The following RCL1 variants were observed in gnomAD, a reference collection of about 807,000 sequenced individuals.
RCL1 encodes the protein RNA terminal phosphate cyclase like 1, also known as RNA 3'-terminal phosphate cyclase-like protein.
A neutral mutation model predicts 42.4 loss-of-function variants in RCL1; 24 were observed. The ratio of observed to expected loss-of-function variants is 0.57; its 90% CI spans 0.41 to 0.80. The LOEUF (loss-of-function observed/expected upper bound fraction) is 0.80, where lower values mean the gene tolerates loss of function less well. Among genes scored for constraint, RCL1 ranks in the 30% least tolerant of loss-of-function variants. The pLI is 0.00. For missense variants in RCL1, 578 were observed against 467.9 expected (o/e 1.24, Z -2.17); for synonymous variants, 228 against 177.3 (o/e 1.29, Z -2.27).
chr9:4,858,017 C>G (rs2129754869), intron 8 of RCL1, among the ~76,000 whole-genome samples: 1 of 137,788 alleles, frequency 7.3e-6, no homozygotes, highest in East Asian at 2.4e-4. Context: ...GTAGCTAGGA[C>G]TACAGGCTCC....
chr9:4,830,074 G>A (rs1300707234), intron 3 of RCL1, among the ~76,000 whole-genome samples: 1 of 152,228 alleles, frequency 6.6e-6, no homozygotes, highest in African/African-American at 2.4e-5. Context: ...GAAGTATTTG[G>A]AGAAGCCAAG....
Position 4,849,443 on chromosome 9 carries a change from A to G in RCL1, c.868-4A>G, listed in dbSNP as rs747487692. On this transcript the variant is annotated splice_polypyrimidine_tract_variant and splice_region_variant and intron_variant, in intron 7 of 8. Coordinates refer to ENST00000381750, the MANE Select transcript of RCL1 (RefSeq NM_005772.5). Reference sequence around the variant, plus strand: ...TTTGTACAATTATTAATTTGTGTTTACAGGGTGGATGCGTAGACTCGACCA... The same window carrying G: ...TTTGTACAATTATTAATTTGTGTTTGCAGGGTGGATGCGTAGACTCGACCA... 7 of 1,609,426 alleles carry G rather than the reference A, an allele frequency of 4.3e-6. No individual in the cohort carries two copies. The Admixed American group carries it at 1.2e-4, about 27-fold the overall frequency.
At chr9:4,834,356 G>T in intron 5 of RCL1, 91 bp downstream of exon 5, 1 of 1,416,054 alleles carries the variant, frequency 7.1e-7, no homozygotes, top group South Asian at 1.3e-5. Context: ...TCTTCCCGAG[G>T]TTATTTACAT....
chr9:4,839,943 C>A (rs1817258743), intron 5 of RCL1: 1 of 981,004 alleles, frequency 1.0e-6, no homozygotes. Context: ...GAGAATGGGG[C>A]AAAGCAGCTC....
chr9:4,809,329 T>A (rs914373814), intron 1 of RCL1, among the ~76,000 whole-genome samples: 2 of 152,124 alleles, frequency 1.3e-5, no homozygotes, highest in African/African-American at 4.8e-5. Flanking sequence ...GCTTTTTTTT[T>A]AAATGGAGTC....
intron 8 of RCL1, among the ~76,000 whole-genome samples, chr9:4,859,725 G>C (rs544508419): frequency 6.6e-6 from 1 of 152,284 alleles, no homozygotes; most frequent in African/African-American, 2.4e-5. Context: ...AGGTAGTCAG[G>C]AGGCTGAGGT....
chr9:4,793,979 C>T (rs1273855423), intron 1 of RCL1, among the ~76,000 whole-genome samples: 2 of 152,232 alleles, frequency 1.3e-5, no homozygotes, highest in Non-Finnish European at 2.9e-5. Context: ...ACCCACATCT[C>T]ATTAAATGGC....
chr9:4,824,647 TC>T (rs2131001138), intron 2 of RCL1, among the ~76,000 whole-genome samples: 1 of 152,310 alleles, frequency 6.6e-6, no homozygotes, highest in South Asian at 2.1e-4. Context: ...CCGCACACAT[TC>T]CACAAATAAA....
chr9:4,817,296 A>C (rs1449440483), intron 1 of RCL1, among the ~76,000 whole-genome samples: 1 of 151,848 alleles, frequency 6.6e-6, no homozygotes. Context: ...CTTAATTCCA[A>C]ATATATTGGT....
intron 6 of RCL1, 95 bp from the exon 7 acceptor site, chr9:4,844,430 G>T (rs150057095): frequency 3.1e-6 from 3 of 959,862 alleles, no homozygotes; most frequent in Non-Finnish European, 4.7e-6. Flanking sequence ...ACACAGTGCC[G>T]TCAAAAAAAA....
At chr9:4,834,365 A>G (rs975671236) in intron 5 of RCL1, 100 bp downstream of exon 5, 3 of 1,336,864 alleles carry the variant, frequency 2.2e-6, no homozygotes, top group African/African-American at 3.0e-5. Context: ...GGTTATTTAC[A>G]TTTTAGACTA....
intron 1 of RCL1, among the ~76,000 whole-genome samples, chr9:4,819,556 C>G (rs1426455051): frequency 4.6e-5 from 7 of 152,206 alleles, no homozygotes; most frequent in Admixed American, 3.9e-4. Flanking sequence ...CGCCTGTAAT[C>G]CCAGCACTTT....
intron 6 of RCL1, among the ~76,000 whole-genome samples, chr9:4,844,117 T>A (rs566586501): frequency 6.6e-6 from 1 of 152,322 alleles, no homozygotes; most frequent in Admixed American, 6.5e-5. Flanking sequence ...ATAGTTTTAG[T>A]GAAACAAGTA....
At chr9:4,824,719 A>G (rs1199519267) in intron 2 of RCL1, among the ~76,000 whole-genome samples, 1 of 152,154 alleles carries the variant, frequency 6.6e-6, no homozygotes, top group Non-Finnish European at 1.5e-5. Context: ...ATGTGGTCCT[A>G]TACCACATGA....
At chr9:4,824,218 A>G (rs181503695) in intron 2 of RCL1, among the ~76,000 whole-genome samples, 1 of 152,172 alleles carries the variant, frequency 6.6e-6, no homozygotes, top group Non-Finnish European at 1.5e-5. Context: ...ATAAGTTTAC[A>G]CAAGTATATG....
Position 4,836,346 on chromosome 9 carries a change from C to G in RCL1, c.584+2081C>G, listed in dbSNP as rs552528996. On this transcript the variant is annotated intron_variant, in intron 5 of 8. Coordinates refer to ENST00000381750, the MANE Select transcript of RCL1 (RefSeq NM_005772.5). The stretch of plus-strand genomic sequence containing the variant: ...TGCTGGAGCATTGGGAAGTACATTC[C>G]TCACTGAGGATTGTCACAGGGGCTC... Among the ~76,000 whole-genome samples, 543 of 152,264 alleles carry G rather than the reference C, an allele frequency of 3.6e-3. 3 individuals carry two copies. Among genetic ancestry groups the G allele is most frequent in the South Asian group, 0.024 (116 of 4,828 alleles).
At chr9:4,846,900 T>TCTTTTTTC (rs1554641966) in intron 7 of RCL1, among the ~76,000 whole-genome samples, 33 of 143,598 alleles carry the variant, frequency 2.3e-4, no homozygotes, top group African/African-American at 7.2e-4. Context: ...TTTTCTTTTT[T>TCTTTTTTC]TTTTTGAGGA....
At chr9:4,819,730 C>T (rs1449575623) in intron 1 of RCL1, among the ~76,000 whole-genome samples, 1 of 152,176 alleles carries the variant, frequency 6.6e-6, no homozygotes, top group South Asian at 2.1e-4. Flanking sequence ...TCGCTTGAAC[C>T]CGGGAGGCGG....
chr9:4,850,518 G>A (rs542766949), intron 8 of RCL1: 3 of 168,192 alleles, frequency 1.8e-5, no homozygotes, highest in African/African-American at 7.3e-5. Flanking sequence ...TTTGGAATTC[G>A]TGGTGGGAGG....
Sources: gnomAD v4.1 joint callset for allele counts (sites outside exome capture counted in the v4.1 genomes callset) on GRCh38, gnomAD v4.1.1 for gene constraint, MANE v1.5 for transcripts, NCBI Gene and HGNC (gene_info 2026-07-23, HGNC 2026-07-21) for gene names.